The following CDON variants were observed in gnomAD, a reference collection of about 807,000 sequenced individuals.
CDON encodes the protein cell adhesion associated, oncogene regulated.
CDON carries 73 observed loss-of-function variants against 120.9 expected under a neutral mutation model. The ratio of observed to expected loss-of-function variants is 0.60; its 90% CI spans 0.50 to 0.73. CDON has a LOEUF of 0.73. Ranked by LOEUF, CDON falls within the 30% of genes least tolerant of loss-of-function variation. CDON has a pLI of 0.00. For missense variants in CDON, 1,470 were observed against 1,587.3 expected, an observed-to-expected ratio of 0.93 and a Z score of 1.26; for synonymous variants, 566 against 573.5, an observed-to-expected ratio of 0.99 and a Z score of 0.19.
intron 1 of CDON, among the ~76,000 whole-genome samples, chr11:126,045,036 T>TAGAG (rs10588225): frequency 7.0e-6 from 1 of 142,818 alleles, no homozygotes; most frequent in African/African-American, 2.6e-5. Context: ...AATATATATA[T>TAGAG]AGAGAGAGAG....
chr11:126,039,206 A>C (rs998817886), intron 1 of CDON, among the ~76,000 whole-genome samples: 1 of 152,246 alleles, frequency 6.6e-6, no homozygotes, highest in African/African-American at 2.4e-5. Context: ...CATGAGAAAC[A>C]GCACAGAAAC....
At chr11:125,992,553 G>A (rs1158580849) in intron 14 of CDON, among the ~76,000 whole-genome samples, 1 of 152,130 alleles carries the variant, frequency 6.6e-6, no homozygotes, top group Non-Finnish European at 1.5e-5. Context: ...ACTATCGTGA[G>A]TCCTAAGAGC....
In CDON at chr11:126,019,605, A is replaced by T. The variant is rs1565533800; in HGVS notation, c.496+14T>A. ...GTTCTGTGTGTGCCACCGGCTTTTC[A>T]CAAAAGGTCTCACCTGTGGAATGTT... On this transcript the variant is annotated intron_variant, in intron 4 of 19. Transcript: ENST00000531738. 1.9e-6 allele frequency: 3 copies of T among 1,614,058 alleles called. No homozygotes were observed. The highest frequency in any genetic ancestry group is 1.7e-6 in the Non-Finnish European group (2 of 1,179,946).
rs893993202 is a variant in CDON, at chr11:125,957,358, G to T, written c.*3584C>A. ...GAGGACAGGGGTGGGGGGTTCCAAA[G>T]AATTTCAGAGGAAGACATTCGCCCA... On this transcript the variant is annotated 3_prime_UTR_variant, in exon 20 of 20. Transcript: ENST00000531738. 6.6e-6 allele frequency: 1 copy of T among 152,216 alleles called. No homozygotes were observed. The highest frequency in any genetic ancestry group is 2.4e-5 in the African/African-American group (1 of 41,428). The allele number at this position is 152,216 out of a possible 1,614,324, so 9.4% of individuals were successfully genotyped here. A position where few individuals can be genotyped will look rare whatever the true frequency, so the allele number is the denominator to read the frequency against.
At position 126,010,484 on chromosome 11, in the gene CDON, A is replaced by C. The variant is rs1458229102; in HGVS notation, c.1409T>G (p.Leu470Arg). ...SQLSRPEGLN[L>R]EPVYFVLSQA... The stretch of plus-strand genomic sequence containing the variant: ...GGACAGGACGAAGTACACAGGCTCC[A>C]GGTTCAAGCCCTCAGGTCTTGATAA... The change falls in exon 8 of 20, where the codon CTG (leucine) becomes CGG (arginine). Residue 470 changes from leucine to arginine, a missense_variant. By Grantham distance (102) the Leu-to-Arg change is moderately radical. Transcript: ENST00000531738. The C allele has an allele frequency of 4.3e-6, 7 of 1,614,010 alleles. No homozygotes were observed. In the Admixed American group the frequency reaches 1.2e-4, roughly 27 times the overall value.
chr11:126,017,506 C>T, intron 5 of CDON, 131 bp from the exon 6 acceptor site: 1 of 879,396 alleles, frequency 1.1e-6, no homozygotes, highest in Non-Finnish European at 1.8e-6. Flanking sequence ...TGGTTAAATC[C>T]TTTTTAGTTG....
intron 7 of CDON, among the ~76,000 whole-genome samples, chr11:126,012,567 T>C (rs78001729): frequency 7.8e-6 from 1 of 128,842 alleles, no homozygotes; most frequent in Non-Finnish European, 1.7e-5. Context: ...ATGCCTGGCT[T>C]TTTTTTTTTT....
intron 18 of CDON, among the ~76,000 whole-genome samples, chr11:125,971,531 T>A (rs1299079305): frequency 6.6e-6 from 1 of 152,200 alleles, no homozygotes; most frequent in Non-Finnish European, 1.5e-5. Context: ...CACAGACTTT[T>A]AAGGTTGTCA....
In CDON at chr11:125,959,009, T is replaced by G. The variant is rs2509616; in HGVS notation, c.*1933A>C. The G allele has an allele frequency of 1.3e-5, 2 of 151,894 alleles. No individual in the cohort carries two copies. The highest frequency in any genetic ancestry group is 4.8e-5 in the African/African-American group (2 of 41,316). 9.4% of individuals were successfully genotyped at this position (151,894 alleles called of 1,614,324 possible). On this transcript the variant is annotated 3_prime_UTR_variant, in exon 20 of 20. Transcript: ENST00000531738. Reference sequence around the variant, plus strand: ...TATCCCCCTCCAGAGCTAACTGCATTTAAGCAACATGAAGAATAAATCCAG... The same window carrying G: ...TATCCCCCTCCAGAGCTAACTGCATGTAAGCAACATGAAGAATAAATCCAG...
intron 16 of CDON, 68 bp from the exon 17 acceptor site, chr11:125,981,397 CACACGCAT>C (rs1946296251): frequency 3.4e-6 from 5 of 1,486,162 alleles, no homozygotes; most frequent in East Asian, 2.3e-5. Context: ...CACATACGCA[CACACGCAT>C]GCACACATGC....
At chr11:125,969,721 G>C (rs1054157396) in intron 18 of CDON, among the ~76,000 whole-genome samples, 1 of 152,202 alleles carries the variant, frequency 6.6e-6, no homozygotes, top group East Asian at 1.9e-4. Flanking sequence ...TCTGGGACCT[G>C]TTAGTTTACT....
intron 1 of CDON, among the ~76,000 whole-genome samples, chr11:126,027,557 G>A (rs1947826303): frequency 6.6e-6 from 1 of 152,010 alleles, no homozygotes; most frequent in African/African-American, 2.4e-5. Flanking sequence ...CCCCTACATT[G>A]CTCTGGCAAA....
At chr11:125,972,159 C>T (rs1028013596) in intron 18 of CDON, among the ~76,000 whole-genome samples, 1 of 152,196 alleles carries the variant, frequency 6.6e-6, no homozygotes, top group African/African-American at 2.4e-5. Context: ...GGCGCGGTAG[C>T]TCGCGCCTGT....
chr11:126,042,509 C>G (rs1298068881), intron 1 of CDON, among the ~76,000 whole-genome samples: 1 of 152,190 alleles, frequency 6.6e-6, no homozygotes, highest in Non-Finnish European at 1.5e-5. Context: ...TTTTTTTATG[C>G]ATCCTATTGA....
rs755715472 is a variant in CDON, at chr11:125,981,003, C to T, written c.3276+46G>A. Reference sequence around the variant, plus strand: ...ATGCTGTCCCTGTTCTAGTACTTGGCACCCTGAGGGACAGAGGGGCTTTTA... The same window carrying T: ...ATGCTGTCCCTGTTCTAGTACTTGGTACCCTGAGGGACAGAGGGGCTTTTA... On this transcript the variant is annotated intron_variant, in intron 17 of 19. Coordinates refer to ENST00000531738, the MANE Select transcript of CDON (RefSeq NM_001378964.1). The T allele has an allele frequency of 5.6e-6, 9 of 1,600,802 alleles. No homozygotes were observed. In the Admixed American group the frequency reaches 1.3e-4, roughly 24 times the overall value.
At chr11:125,973,012 C>A (rs1250893593) in intron 18 of CDON, among the ~76,000 whole-genome samples, 3 of 88,476 alleles carry the variant, frequency 3.4e-5, no homozygotes, top group East Asian at 3.3e-4. Flanking sequence ...CAACCAATTA[C>A]TTGGTCTTTT....
chr11:126,062,650 T>C lies in CDON; in HGVS notation c.-133A>G, dbSNP rs970719404. The C allele has an allele frequency of 1.3e-5, 2 of 153,158 alleles. No homozygotes were observed. Among genetic ancestry groups the C allele is most frequent in the East Asian group, 2.0e-4 (1 of 5,086 alleles). 9.5% of individuals were successfully genotyped at this position (153,158 alleles called of 1,614,324 possible). The stretch of plus-strand genomic sequence containing the variant: ...GGCTCGGAAAGCCACCCCCAGGTCA[T>C]CCCCCCGCGCGCGCGCGGCGGCGGC... On this transcript the variant is annotated 5_prime_UTR_variant, in exon 1 of 20. An upstream start codon of the reference 5' UTR is lost. Transcript: ENST00000531738.
intron 1 of CDON, among the ~76,000 whole-genome samples, chr11:126,057,453 T>C (rs1284124297): frequency 6.6e-6 from 1 of 152,212 alleles, no homozygotes; most frequent in African/African-American, 2.4e-5. Flanking sequence ...TAAGACTACA[T>C]ACTGTAGGAG....
At chr11:125,990,748 G>A (rs890316842) in intron 14 of CDON, among the ~76,000 whole-genome samples, 3 of 152,148 alleles carry the variant, frequency 2.0e-5, no homozygotes, top group African/African-American at 7.2e-5. Context: ...ACTGAACACA[G>A]ACAAAAATAT....
Sources: gnomAD v4.1 joint callset for allele counts (sites outside exome capture counted in the v4.1 genomes callset) on GRCh38, gnomAD v4.1.1 for gene constraint, MANE v1.5 for transcripts, NCBI Gene and HGNC (gene_info 2026-07-23, HGNC 2026-07-21) for gene names.